MYO3B: variants seen among roughly 807,000 people sequenced by gnomAD.
The protein encoded by MYO3B is myosin-IIIb.
A neutral mutation model predicts 174.6 loss-of-function variants in MYO3B; 156 were observed. That is an observed-to-expected ratio of 0.89 (90% confidence interval 0.78 to 1.02). MYO3B has a LOEUF of 1.02. Among genes scored for constraint, MYO3B ranks in the 50% least tolerant of loss-of-function variants. The pLI, the probability that MYO3B is intolerant of heterozygous loss-of-function variation, is 0.00. For synonymous variants in MYO3B, 563 were observed against 569.1 expected (o/e 0.99, Z 0.15); for missense variants, 1,632 against 1,639.4 (o/e 1.00, Z 0.08).
intron 7 of MYO3B, among the ~76,000 whole-genome samples, chr2:170,322,240 T>A: frequency 6.6e-6 from 1 of 151,986 alleles, no homozygotes; most frequent in East Asian, 1.9e-4. Context: ...AAATAAACAC[T>A]TATCTATTAG....
intron 9 of MYO3B, among the ~76,000 whole-genome samples, chr2:170,370,364 T>G (rs2094231925): frequency 6.6e-6 from 1 of 152,022 alleles, no homozygotes; most frequent in Non-Finnish European, 1.5e-5. Flanking sequence ...AGTATCAAGG[T>G]GACTATATTT....
chr2:170,210,142 T>G (rs887111401), intron 3 of MYO3B, among the ~76,000 whole-genome samples: 1 of 152,224 alleles, frequency 6.6e-6, no homozygotes, highest in African/African-American at 2.4e-5. Flanking sequence ...CAAATTTTGC[T>G]AAAGAGCAGA....
intron 3 of MYO3B, among the ~76,000 whole-genome samples, chr2:170,204,641 C>T (rs916662747): frequency 6.6e-6 from 1 of 152,132 alleles, no homozygotes; most frequent in African/African-American, 2.4e-5. Flanking sequence ...GCAAAATGCT[C>T]ATTAAATTCT....
In MYO3B at chr2:170,548,773, A is replaced by G. The variant is rs75204719; in HGVS notation, c.3733+4785A>G. On this transcript the variant is annotated intron_variant, in intron 32 of 34. Coordinates refer to ENST00000408978, the MANE Select transcript of MYO3B (RefSeq NM_138995.5). ...TCACATTGGGCTGTAATGCAGAGCA[A>G]TCCTCAGAGACCAATATGAAATGGG... is the stretch of plus-strand genomic sequence containing the variant. 5.1e-4 allele frequency among the ~76,000 whole-genome samples: 78 copies of G among 152,300 alleles called. No individual in the cohort carries two copies. In the East Asian group the frequency reaches 0.014, roughly 28 times the overall value.
chr2:170,542,427 ATT>A (rs948966269), intron 30 of MYO3B, among the ~76,000 whole-genome samples: 11 of 152,200 alleles, frequency 7.2e-5, no homozygotes, highest in Admixed American at 7.2e-4. Flanking sequence ...ATAAATGTAT[ATT>A]GTAATTTTAA....
intron 16 of MYO3B, among the ~76,000 whole-genome samples, chr2:170,398,747 C>T (rs756277017): frequency 1.3e-5 from 2 of 152,100 alleles, no homozygotes; most frequent in East Asian, 3.9e-4. Context: ...ATAGTCCCTC[C>T]GTATATGTGA....
At chr2:170,433,785 C>T (rs924244351) in intron 22 of MYO3B, among the ~76,000 whole-genome samples, 2 of 152,158 alleles carry the variant, frequency 1.3e-5, no homozygotes, top group African/African-American at 4.8e-5. Context: ...TTTGTAAGTA[C>T]GCTCTATGCT....
Position 170,466,624 on chromosome 2 carries a change from A to T in MYO3B, c.2927A>T (p.Gln976Leu), listed in dbSNP as rs1451882007. ...TTCTCTCGAGAGAGGGTGCTGGCCC[A>T]GCTCCGCTCCACAGGGATTCTGGAG... ...LQFSRERVLA[Q>L]LRSTGILETV... The change falls in exon 25 of 35, where the codon CAG (glutamine) becomes CTG (leucine). Residue 976 changes from glutamine (Q) to leucine (L), a missense_variant. By Grantham distance (113) the Gln-to-Leu change is moderately radical (BLOSUM62 -2). Transcript: ENST00000408978. 1 of 1,614,240 alleles carries T rather than the reference A, an allele frequency of 6.2e-7. No homozygotes were observed. Among genetic ancestry groups the T allele is most frequent in the Admixed American group, 1.7e-5 (1 of 60,026 alleles).
intron 1 of MYO3B, among the ~76,000 whole-genome samples, chr2:170,187,025 G>C (rs1016947356): frequency 6.1e-5 from 9 of 146,938 alleles, no homozygotes; most frequent in African/African-American, 2.3e-4. Context: ...TTTTAAGTCT[G>C]GCTAAAGGTT....
chr2:170,343,855 T>C (rs1005469840), intron 8 of MYO3B: 4 of 152,264 alleles, frequency 2.6e-5, no homozygotes, highest in Non-Finnish European at 4.4e-5. Context: ...AAAATGAGAA[T>C]AACAATGCTT....
At chr2:170,633,694 G>C (rs1404863391) in intron 32 of MYO3B, among the ~76,000 whole-genome samples, 1 of 151,794 alleles carries the variant, frequency 6.6e-6, no homozygotes, top group African/African-American at 2.4e-5. Flanking sequence ...CCTGTTTGCA[G>C]ATGATTGTAT....
rs113613040 is a variant in MYO3B at position 170,331,078 on chromosome 2, G to T, written c.750-4307G>T. ...AAATTAGGGAGAGTATTCTAAACTGGAGGTACATCATGTGCAAAGGCCCTG... is the reference window on the plus strand; with the variant it reads ...AAATTAGGGAGAGTATTCTAAACTGTAGGTACATCATGTGCAAAGGCCCTG... On this transcript the variant is annotated intron_variant, in intron 7 of 34. Coordinates refer to ENST00000408978, the MANE Select transcript of MYO3B (RefSeq NM_138995.5). 3.9e-3 allele frequency among the ~76,000 whole-genome samples: 601 copies of T among 152,274 alleles called. 3 individuals carry two copies. The highest frequency in any genetic ancestry group is 0.014 in the African/African-American group (574 of 41,558).
At chr2:170,497,626 A>AAC (rs1286241311) in intron 25 of MYO3B, among the ~76,000 whole-genome samples, 1 of 151,222 alleles carries the variant, frequency 6.6e-6, no homozygotes, top group East Asian at 1.9e-4. Context: ...TCAAAAAAAA[A>AAC]AGAAATACAC....
chr2:170,477,575 C>T (rs980708891), intron 25 of MYO3B, among the ~76,000 whole-genome samples: 1 of 151,866 alleles, frequency 6.6e-6, no homozygotes, highest in African/African-American at 2.4e-5. Flanking sequence ...AGCAAATAAA[C>T]ATTCTTAGTG....
At chr2:170,544,619 A>G (rs1446437945) in intron 32 of MYO3B, among the ~76,000 whole-genome samples, 1 of 152,242 alleles carries the variant, frequency 6.6e-6, no homozygotes, top group Admixed American at 6.5e-5. Flanking sequence ...CTTAATGTCA[A>G]CCTCATCTAT....
At chr2:170,455,236 T>C (rs1245598343) in intron 23 of MYO3B, among the ~76,000 whole-genome samples, 2 of 152,226 alleles carry the variant, frequency 1.3e-5, no homozygotes, top group Non-Finnish European at 2.9e-5. Context: ...GGGCTGTTAT[T>C]GTCTTTGTTT....
chr2:170,633,060 C>T lies in MYO3B; in HGVS notation c.3734-18568C>T, dbSNP rs186068279. 2.3e-3 allele frequency among the ~76,000 whole-genome samples: 343 copies of T among 152,278 alleles called. 1 individual carries two copies. The highest frequency in any genetic ancestry group is 7.0e-3 in the African/African-American group (291 of 41,562). The stretch of plus-strand genomic sequence containing the variant: ...CAGAGGTACAAGGAGGAGCTGGTAC[C>T]ATTCCTTTTGAAACTATTCCAATCA... On this transcript the variant is annotated intron_variant, in intron 32 of 34. Coordinates refer to ENST00000408978, the MANE Select transcript of MYO3B (RefSeq NM_138995.5).
At chr2:170,321,380 A>C (rs1178885026) in intron 7 of MYO3B, among the ~76,000 whole-genome samples, 1 of 152,170 alleles carries the variant, frequency 6.6e-6, no homozygotes, top group African/African-American at 2.4e-5. Flanking sequence ...TCGGGACAAA[A>C]ATAATAAAAT....
Position 170,387,318 on chromosome 2 carries a change from C to T in MYO3B, c.1577+10C>T. The T allele has an allele frequency of 6.2e-7, 1 of 1,613,092 alleles. No homozygotes were observed. The highest frequency in any genetic ancestry group is 8.5e-7 in the Non-Finnish European group (1 of 1,179,194). ...TTATAAAACAGGCAGCGTAGGTGCA[C>T]TACTTTATCACTGTGTTTTTGCCCT... On this transcript the variant is annotated intron_variant, in intron 14 of 34. Transcript: ENST00000408978.
Sources: gnomAD v4.1 joint callset for allele counts (sites outside exome capture counted in the v4.1 genomes callset) on GRCh38, gnomAD v4.1.1 for gene constraint, MANE v1.5 for transcripts, NCBI Gene and HGNC (gene_info 2026-07-23, HGNC 2026-07-21) for gene names.